The following CDH12 variants were observed in gnomAD, a reference collection of about 807,000 sequenced individuals.
The protein encoded by CDH12 is cadherin 12.
A neutral mutation model predicts 74.1 loss-of-function variants in CDH12; 41 were observed. The ratio of observed to expected loss-of-function variants is 0.55; its 90% CI spans 0.43 to 0.72. CDH12 has a LOEUF of 0.72. Ranked by LOEUF, CDH12 falls within the 30% of genes least tolerant of loss-of-function variation. The pLI is 0.00. For missense variants in CDH12, 945 were observed against 977.2 expected (o/e 0.97, Z 0.44); for synonymous variants, 399 against 355.0 (o/e 1.12, Z -1.39).
At chr5:22,780,874 T>C (rs1314268986) in intron 1 of CDH12, among the ~76,000 whole-genome samples, 2 of 152,178 alleles carry the variant, frequency 1.3e-5, no homozygotes, top group African/African-American at 2.4e-5. Flanking sequence ...GCTTTAGTAG[T>C]CTGTAAATAG....
intron 2 of CDH12, among the ~76,000 whole-genome samples, chr5:22,457,745 A>AT (rs1318940716): frequency 2.9e-4 from 41 of 139,850 alleles, no homozygotes; most frequent in African/African-American, 1.1e-4. Context: ...TGCCCAACTA[A>AT]TTTTTTTATT....
intron 1 of CDH12, among the ~76,000 whole-genome samples, chr5:22,607,282 A>T (rs963973349): frequency 2.0e-5 from 3 of 152,218 alleles, no homozygotes; most frequent in African/African-American, 7.2e-5. Context: ...AGGGCATGTC[A>T]GAGACCTTCG....
chr5:22,672,544 A>ACCGT (rs1740959810), intron 1 of CDH12, among the ~76,000 whole-genome samples: 1 of 152,010 alleles, frequency 6.6e-6, no homozygotes, highest in African/African-American at 2.4e-5. Context: ...GCTTGCTTCC[A>ACCGT]CCATCCACCC....
At position 22,065,632 on chromosome 5, in the gene CDH12, C is replaced by G. The variant is rs563239521; in HGVS notation, c.231+12814G>C. 4.9e-4 allele frequency among the ~76,000 whole-genome samples: 74 copies of G among 152,194 alleles called. 1 individual carries two copies. Among genetic ancestry groups the G allele is most frequent in the Admixed American group, 9.2e-4 (14 of 15,272 alleles). ...ACACTGGGAGGGTCTAGAGGACACA[C>G]CTTTCACCACCACAGACAGAAATCA... is the stretch of plus-strand genomic sequence containing the variant. On this transcript the variant is annotated intron_variant, in intron 5 of 14. Coordinates refer to ENST00000382254, the MANE Select transcript of CDH12 (RefSeq NM_004061.5).
intron 1 of CDH12, among the ~76,000 whole-genome samples, chr5:22,843,770 C>A (rs963609835): frequency 1.3e-5 from 2 of 151,960 alleles, no homozygotes; most frequent in African/African-American, 4.8e-5. Context: ...CAGACACATG[C>A]TTCTAGAGAG....
intron 6 of CDH12, among the ~76,000 whole-genome samples, chr5:21,901,734 C>A (rs1241877431): frequency 6.6e-6 from 1 of 152,084 alleles, no homozygotes; most frequent in African/African-American, 2.4e-5. Flanking sequence ...CCCAAGCAAC[C>A]AGGTGTTCTC....
rs200821115 is a variant in CDH12 at position 21,918,604 on chromosome 5, G to C, written c.526+56487C>G. On this transcript the variant is annotated intron_variant, in intron 6 of 14. Transcript: ENST00000382254. ...AGAAGTGCAAGCAGAGGAAATGGCC[G>C]AGGACTACAAAACCATCAGCTCTCT... 4.6e-5 allele frequency among the ~76,000 whole-genome samples: 7 copies of C among 152,076 alleles called. No homozygotes were observed. The East Asian group carries it at 1.4e-3, about 30-fold the overall frequency.
At chr5:22,515,175 T>C (rs1171843510) in intron 1 of CDH12, among the ~76,000 whole-genome samples, 1 of 152,106 alleles carries the variant, frequency 6.6e-6, no homozygotes, top group African/African-American at 2.4e-5. Context: ...TAAAACTTGA[T>C]TGATAACTAT....
At chr5:21,873,479 C>G (rs538048408) in intron 6 of CDH12, among the ~76,000 whole-genome samples, 3 of 152,212 alleles carry the variant, frequency 2.0e-5, no homozygotes, top group Admixed American at 1.3e-4. Flanking sequence ...GGATAATTGA[C>G]AAGATTGTCA....
At chr5:22,681,280 A>T (rs1741479748) in intron 1 of CDH12, among the ~76,000 whole-genome samples, 1 of 148,974 alleles carries the variant, frequency 6.7e-6, no homozygotes, top group Non-Finnish European at 1.5e-5. Context: ...ATAAGTGCCC[A>T]GGAGCAGTTT....
At chr5:22,345,377 T>G (rs367614679) in intron 3 of CDH12, among the ~76,000 whole-genome samples, 1 of 152,292 alleles carries the variant, frequency 6.6e-6, no homozygotes, top group East Asian at 1.9e-4. Context: ...TTTTTTTCTC[T>G]TGAAGTGTAT....
intron 6 of CDH12, among the ~76,000 whole-genome samples, chr5:21,949,013 C>T (rs1000025419): frequency 9.9e-5 from 15 of 152,068 alleles, no homozygotes; most frequent in African/African-American, 3.6e-4. Flanking sequence ...CCATGCAGAA[C>T]TGTGACTCAA....
intron 3 of CDH12, among the ~76,000 whole-genome samples, chr5:22,301,601 C>A (rs529389043): frequency 6.6e-6 from 1 of 152,042 alleles, no homozygotes; most frequent in South Asian, 2.1e-4. Context: ...TTAGTAACCA[C>A]CTAAAACAAA....
intron 6 of CDH12, among the ~76,000 whole-genome samples, chr5:21,956,344 A>T (rs1022678570): frequency 6.6e-6 from 1 of 152,058 alleles, no homozygotes; most frequent in Non-Finnish European, 1.5e-5. Context: ...TAAAATTAAT[A>T]AACTGGAAAT....
chr5:22,752,862 C>A (rs1458359019), intron 1 of CDH12, among the ~76,000 whole-genome samples: 1 of 151,864 alleles, frequency 6.6e-6, no homozygotes, highest in East Asian at 1.9e-4. Context: ...GCGTGAGCCA[C>A]CGCGCCCGGC....
intron 12 of CDH12, among the ~76,000 whole-genome samples, chr5:21,762,308 C>T (rs1283313415): frequency 6.6e-6 from 1 of 152,080 alleles, no homozygotes; most frequent in Non-Finnish European, 1.5e-5. Flanking sequence ...AAACAACTAC[C>T]ATCTAAATTT....
intron 1 of CDH12, among the ~76,000 whole-genome samples, chr5:22,662,644 G>A (rs1046989011): frequency 6.6e-6 from 1 of 152,228 alleles, no homozygotes; most frequent in Non-Finnish European, 1.5e-5. Context: ...GATATAAATA[G>A]ATTACTTGAA....
At chr5:22,620,209 C>T (rs775308546) in intron 1 of CDH12, among the ~76,000 whole-genome samples, 4 of 151,866 alleles carry the variant, frequency 2.6e-5, no homozygotes, top group Non-Finnish European at 5.9e-5. Context: ...ACTGGATACC[C>T]CCAATGGCCA....
chr5:22,361,980 G>A (rs1161914187), intron 3 of CDH12, among the ~76,000 whole-genome samples: 2 of 152,140 alleles, frequency 1.3e-5, no homozygotes, highest in African/African-American at 2.4e-5. Context: ...AAAAACCCTA[G>A]AAGAAAACCT....
Sources: gnomAD v4.1 joint callset for allele counts (sites outside exome capture counted in the v4.1 genomes callset) on GRCh38, gnomAD v4.1.1 for gene constraint, MANE v1.5 for transcripts, NCBI Gene and HGNC (gene_info 2026-07-23, HGNC 2026-07-21) for gene names.